SHROOM3: variants seen among roughly 807,000 people sequenced by gnomAD.
SHROOM3 encodes shroom family member 3.
Under a neutral mutation model 138.6 loss-of-function variants are expected in SHROOM3, and 47 were observed. That is an observed-to-expected ratio of 0.34 (90% confidence interval 0.27 to 0.43). The LOEUF is 0.43. SHROOM3 is among the 20% of genes least tolerant of loss of function. The pLI, the probability that SHROOM3 is intolerant of heterozygous loss-of-function variation, is 1.00. For synonymous variants in SHROOM3, 1,062 were observed against 1,063.3 expected (o/e 1.00, Z 0.02); for missense variants, 2,491 against 2,596.5 (o/e 0.96, Z 0.88).
chr4:76,597,903 T>C (rs1013264135), intron 2 of SHROOM3, among the ~76,000 whole-genome samples: 1 of 152,208 alleles, frequency 6.6e-6, no homozygotes, highest in African/African-American at 2.4e-5. Flanking sequence ...ATTTAGCAAT[T>C]ATTTTTCTAC....
chr4:76,589,482 A>AAAG (rs1734221080), intron 2 of SHROOM3, among the ~76,000 whole-genome samples: 1 of 151,670 alleles, frequency 6.6e-6, no homozygotes, highest in South Asian at 2.1e-4. Context: ...AAAAAAAAAA[A>AAAG]AGAAAAAAGA....
At chr4:76,775,710 G>A (rs1314321830) in intron 10 of SHROOM3, among the ~76,000 whole-genome samples, 1 of 149,888 alleles carries the variant, frequency 6.7e-6, no homozygotes, top group East Asian at 2.0e-4. Context: ...TAACATATTT[G>A]TATATGTGTA....
At chr4:76,723,519 T>C (rs1720611191) in intron 3 of SHROOM3, among the ~76,000 whole-genome samples, 1 of 152,224 alleles carries the variant, frequency 6.6e-6, no homozygotes, top group African/African-American at 2.4e-5. Context: ...ACTCTCACAT[T>C]ACCCAGTTTT....
chr4:76,764,738 T>TG (rs765732149), intron 9 of SHROOM3, among the ~76,000 whole-genome samples: 22 of 152,220 alleles, frequency 1.4e-4, no homozygotes, highest in Non-Finnish European at 2.5e-4. Flanking sequence ...TGGCTCCTCC[T>TG]GTATGCAATG....
intron 10 of SHROOM3, among the ~76,000 whole-genome samples, chr4:76,777,004 G>A (rs1249147014): frequency 6.6e-6 from 1 of 152,176 alleles, no homozygotes; most frequent in Non-Finnish European, 1.5e-5. Flanking sequence ...CTGTGGCCTT[G>A]TAGTATAGTT....
intron 9 of SHROOM3, among the ~76,000 whole-genome samples, chr4:76,763,479 C>T (rs1169923693): frequency 2.6e-5 from 4 of 151,944 alleles, no homozygotes; most frequent in African/African-American, 4.8e-5. Flanking sequence ...GTGGGAGGAT[C>T]GCTTGAGCCC....
intron 2 of SHROOM3, among the ~76,000 whole-genome samples, chr4:76,679,082 G>C (rs540593741): frequency 2.0e-5 from 3 of 152,344 alleles, no homozygotes; most frequent in South Asian, 4.1e-4. Context: ...CAATAAATAA[G>C]TGATAAGTTT....
chr4:76,765,573 G>A (rs1722127709), intron 9 of SHROOM3, among the ~76,000 whole-genome samples: 1 of 152,066 alleles, frequency 6.6e-6, no homozygotes, highest in South Asian at 2.1e-4. Flanking sequence ...CACTTGGCTA[G>A]TAGTCCTGAA....
At chr4:76,438,071 A>G (rs1194618019) in intron 1 of SHROOM3, among the ~76,000 whole-genome samples, 1 of 152,202 alleles carries the variant, frequency 6.6e-6, no homozygotes, top group Admixed American at 6.5e-5. Context: ...AAAGATTATG[A>G]TTATTGCTTT....
intron 1 of SHROOM3, among the ~76,000 whole-genome samples, chr4:76,465,023 G>C (rs962353193): frequency 2.0e-5 from 3 of 152,110 alleles, no homozygotes; most frequent in Admixed American, 1.3e-4. Context: ...GTGGTGTTTT[G>C]AGTGCCTGAA....
intron 2 of SHROOM3, among the ~76,000 whole-genome samples, chr4:76,598,591 T>A (rs1457967690): frequency 6.6e-6 from 1 of 151,972 alleles, no homozygotes; most frequent in Non-Finnish European, 1.5e-5. Flanking sequence ...GGAGATGGGG[T>A]AGAGGTGGCC....
chr4:76,603,739 A>G lies in SHROOM3; in HGVS notation c.323+47976A>G, dbSNP rs1734557377. Among the ~76,000 whole-genome samples, 3 of 151,642 alleles carry G rather than the reference A, an allele frequency of 2.0e-5. No individual in the cohort carries two copies. In the South Asian group the frequency reaches 6.3e-4, roughly 32 times the overall value. Reference sequence around the variant, plus strand: ...TAACACTATCCCTCCCTCAGCCCCCAACCCTGCAAAAGGTCCTGGTGTGTG... The same window carrying G: ...TAACACTATCCCTCCCTCAGCCCCCGACCCTGCAAAAGGTCCTGGTGTGTG... On this transcript the variant is annotated intron_variant, in intron 2 of 10. Coordinates refer to ENST00000296043, the MANE Select transcript of SHROOM3 (RefSeq NM_020859.4).
At chr4:76,506,894 T>A (rs1732222509) in intron 1 of SHROOM3, among the ~76,000 whole-genome samples, 1 of 152,192 alleles carries the variant, frequency 6.6e-6, no homozygotes, top group South Asian at 2.1e-4. Context: ...CCATACTTCC[T>A]TTCCCCCATT....
chr4:76,467,233 G>A (rs1048423250), intron 1 of SHROOM3, among the ~76,000 whole-genome samples: 7 of 151,920 alleles, frequency 4.6e-5, no homozygotes, highest in African/African-American at 1.7e-4. Context: ...TTTTGGTAGA[G>A]ATGGGGTTTC....
At chr4:76,731,104 G>A (rs1446182813) in intron 4 of SHROOM3, among the ~76,000 whole-genome samples, 169 bp downstream of exon 4, 2 of 152,126 alleles carry the variant, frequency 1.3e-5, no homozygotes, top group Non-Finnish European at 1.5e-5. Context: ...ACGTGTATAT[G>A]AGTTACCTTT....
At chr4:76,570,594 G>A (rs937085281) in intron 2 of SHROOM3, among the ~76,000 whole-genome samples, 1 of 152,096 alleles carries the variant, frequency 6.6e-6, no homozygotes, top group Non-Finnish European at 1.5e-5. Context: ...TCATGTTCAG[G>A]AATTTAAGAC....
At chr4:76,561,622 A>G (rs1383038777) in intron 2 of SHROOM3, among the ~76,000 whole-genome samples, 1 of 150,958 alleles carries the variant, frequency 6.6e-6, no homozygotes, top group Non-Finnish European at 1.5e-5. Flanking sequence ...CCCCTCAAGC[A>G]GTGAAATCAT....
intron 2 of SHROOM3, among the ~76,000 whole-genome samples, chr4:76,616,876 A>C (rs1290686825): frequency 6.6e-6 from 1 of 152,246 alleles, no homozygotes; most frequent in Non-Finnish European, 1.5e-5. Context: ...AATAACAATA[A>C]TTGGTCTACC....
chr4:76,676,611 G>A (rs1719033336), intron 2 of SHROOM3, among the ~76,000 whole-genome samples: 1 of 152,124 alleles, frequency 6.6e-6, no homozygotes, highest in African/African-American at 2.4e-5. Context: ...CCATAGCAGA[G>A]ATTGGCGTTA....
Sources: allele counts gnomAD v4.1 joint callset (sites outside exome capture counted in the v4.1 genomes callset), GRCh38; gene constraint gnomAD v4.1.1; transcripts MANE v1.5; gene names NCBI Gene and HGNC (gene_info 2026-07-23, HGNC 2026-07-21).